The following KIAA1217 variants were observed in gnomAD, a reference collection of about 807,000 sequenced individuals.
KIAA1217 encodes KIAA1217.
A neutral mutation model predicts 163.9 loss-of-function variants in KIAA1217; 88 were observed. That is an observed-to-expected ratio of 0.54 (90% CI 0.45 to 0.64). KIAA1217 has a LOEUF of 0.64. Ranked by LOEUF, KIAA1217 falls within the 30% of genes least tolerant of loss-of-function variation. KIAA1217 has a pLI of 0.00. For synonymous variants in KIAA1217, 903 were observed against 923.1 expected (o/e 0.98, Z 0.39); for missense variants, 2,372 against 2,475.0 (o/e 0.96, Z 0.88).
At chr10:24,255,419 C>G (rs570072855) in intron 2 of KIAA1217, 1 of 381,984 alleles carries the variant, frequency 2.6e-6, no homozygotes. Context: ...GGGCGGGTCC[C>G]GCCACCCGTG....
At chr10:24,059,608 C>T (rs187913666) in intron 2 of KIAA1217, among the ~76,000 whole-genome samples, 2 of 152,142 alleles carry the variant, frequency 1.3e-5, no homozygotes, top group East Asian at 1.9e-4. Context: ...AGACGGAGCT[C>T]GCTCTGTCAC....
intron 17 of KIAA1217, among the ~76,000 whole-genome samples, chr10:24,538,820 C>T (rs370590478): frequency 2.0e-5 from 3 of 149,590 alleles, no homozygotes; most frequent in East Asian, 2.0e-4. Flanking sequence ...CTGCAACCTC[C>T]GCCTCCCGGG....
At chr10:23,913,044 A>T (rs1433267685) in intron 1 of KIAA1217, among the ~76,000 whole-genome samples, 1 of 152,188 alleles carries the variant, frequency 6.6e-6, no homozygotes, top group Non-Finnish European at 1.5e-5. Context: ...GCAGGAGGAA[A>T]ACCATGTTAT....
intron 2 of KIAA1217, among the ~76,000 whole-genome samples, chr10:24,086,269 G>A (rs2061695708): frequency 6.6e-6 from 1 of 152,220 alleles, no homozygotes; most frequent in African/African-American, 2.4e-5. Flanking sequence ...GCCTTCAGCA[G>A]TTGAGCAAAT....
At chr10:24,110,857 G>A (rs756852601) in intron 2 of KIAA1217, among the ~76,000 whole-genome samples, 1 of 152,176 alleles carries the variant, frequency 6.6e-6, no homozygotes, top group Non-Finnish European at 1.5e-5. Flanking sequence ...TCCTCAAAGT[G>A]CATATTAAAA....
chr10:23,820,088 G>A (rs112128717), intron 1 of KIAA1217, among the ~76,000 whole-genome samples: 2,757 of 152,204 alleles, frequency 0.018, 78 homozygotes, highest in African/African-American at 0.062. Context: ...TTTTTATTAC[G>A]TAGGGTATGT....
chr10:24,342,636 A>G (rs1054023987), intron 2 of KIAA1217, among the ~76,000 whole-genome samples: 2 of 150,046 alleles, frequency 1.3e-5, no homozygotes, highest in Non-Finnish European at 3.0e-5. Context: ...ACATTAGCTC[A>G]TGCAGATACA....
At chr10:24,092,669 T>C (rs1464678464) in intron 2 of KIAA1217, among the ~76,000 whole-genome samples, 4 of 151,266 alleles carry the variant, frequency 2.6e-5, no homozygotes, top group African/African-American at 4.9e-5. Context: ...CTATGTACCA[T>C]ATGATTTCAC....
intron 5 of KIAA1217, among the ~76,000 whole-genome samples, chr10:24,463,410 G>A (rs1031850204): frequency 6.6e-6 from 1 of 152,134 alleles, no homozygotes; most frequent in African/African-American, 2.4e-5. Flanking sequence ...TCTCTTTCCT[G>A]GGAATTAAAT....
intron 1 of KIAA1217, among the ~76,000 whole-genome samples, chr10:23,748,688 A>G (rs1839561473): frequency 6.6e-6 from 1 of 151,220 alleles, no homozygotes; most frequent in Admixed American, 6.6e-5. Context: ...TGGGGTTGAG[A>G]CCCCTCTATT....
intron 12 of KIAA1217, among the ~76,000 whole-genome samples, chr10:24,523,005 T>A (rs2071520272): frequency 6.7e-6 from 1 of 149,326 alleles, no homozygotes; most frequent in Non-Finnish European, 1.5e-5. Context: ...ATGGGAAAGA[T>A]CACTGGGTGC....
rs778659188 is a variant in KIAA1217, at chr10:24,524,396, A to G, written c.2530A>G (p.Thr844Ala). 2 of 1,614,210 alleles carry G rather than the reference A, an allele frequency of 1.2e-6. No individual in the cohort carries two copies. The highest frequency in any genetic ancestry group is 2.2e-5 in the East Asian group (1 of 44,878). ...ACAGTACATGGCTATGGAAAAGGCC[A>G]CAGCCGCAGAAGTCCTGAAGAGTCA... Reference protein sequence around the residue: ...AAQYMAMEKATAAEVLKSQEE... With the variant: ...AAQYMAMEKAAAAEVLKSQEE... The change falls in exon 13 of 21, where the codon ACA (threonine) becomes GCA (alanine). Residue 844 changes from threonine (T) to alanine (A), a missense_variant. By Grantham distance (58) the Thr-to-Ala change is moderately conservative. Transcript: ENST00000376454.
At chr10:23,850,464 A>T (rs1029760736) in intron 1 of KIAA1217, among the ~76,000 whole-genome samples, 1 of 152,112 alleles carries the variant, frequency 6.6e-6, no homozygotes, top group African/African-American at 2.4e-5. Context: ...GCAGAAATGC[A>T]AACAGGGAGA....
chr10:23,702,972 C>T (rs1468853387), intron 1 of KIAA1217, among the ~76,000 whole-genome samples: 5 of 152,022 alleles, frequency 3.3e-5, no homozygotes, highest in East Asian at 3.9e-4. Context: ...GTGATCCGCC[C>T]GCCTCGGCCT....
chr10:24,060,248 T>C (rs1269472593), intron 2 of KIAA1217, among the ~76,000 whole-genome samples: 2 of 152,192 alleles, frequency 1.3e-5, no homozygotes, highest in African/African-American at 4.8e-5. Context: ...TTCTTCTTAA[T>C]GTAGGCATTT....
At chr10:24,322,785 T>C (rs2044344719) in intron 2 of KIAA1217, among the ~76,000 whole-genome samples, 1 of 152,176 alleles carries the variant, frequency 6.6e-6, no homozygotes, top group Non-Finnish European at 1.5e-5. Context: ...GACACCCATC[T>C]GCTAGGACTG....
In KIAA1217 at chr10:23,950,208, A is replaced by C. The variant is rs1844265632; in HGVS notation, c.-320-57017A>C. Reference sequence around the variant, plus strand: ...GGCAGTGATCCAGCCTCTGCCTATAAAGTTTGGGGATTTCTTCCCCATAAG... The same window carrying C: ...GGCAGTGATCCAGCCTCTGCCTATACAGTTTGGGGATTTCTTCCCCATAAG... On this transcript the variant is annotated intron_variant, in intron 1 of 18. Coordinates refer to the KIAA1217 transcript ENST00000376462. Among the ~76,000 whole-genome samples, 3 of 152,114 alleles carry C rather than the reference A, an allele frequency of 2.0e-5. No homozygotes were observed. In the South Asian group the frequency reaches 6.2e-4, roughly 31 times the overall value.
chr10:23,765,030 C>T (rs980541531), intron 1 of KIAA1217, among the ~76,000 whole-genome samples: 3 of 151,984 alleles, frequency 2.0e-5, no homozygotes, highest in African/African-American at 7.2e-5. Context: ...AAAAAACCCA[C>T]TAAAATAAGT....
chr10:23,908,098 C>T (rs919913605), intron 1 of KIAA1217, among the ~76,000 whole-genome samples: 1 of 151,948 alleles, frequency 6.6e-6, no homozygotes, highest in Middle Eastern at 3.2e-3. Flanking sequence ...GAATTCCAGG[C>T]AGAGGAAAGA....
Sources: allele counts gnomAD v4.1 joint callset (sites outside exome capture counted in the v4.1 genomes callset), GRCh38; gene constraint gnomAD v4.1.1; transcripts MANE v1.5; gene names NCBI Gene and HGNC (gene_info 2026-07-23, HGNC 2026-07-21).